The following REDIC1 variants were observed in gnomAD, a reference collection of about 807,000 sequenced individuals.
The protein encoded by REDIC1 is HEI10 Interacting Protein 1.
chr12:39,696,282 G>A, the REDIC1 span, among the ~76,000 whole-genome samples: 558 of 150,784 alleles, frequency 3.7e-3, 1 homozygote, highest in Non-Finnish European at 6.2e-3. Flanking sequence ...GGTGGCTCAC[G>A]CCTGTAATCC....
At chr12:39,640,654 T>C in the REDIC1 span, among the ~76,000 whole-genome samples, 2 of 151,910 alleles carry the variant, frequency 1.3e-5, no homozygotes, top group Non-Finnish European at 1.5e-5. Context: ...TTCAGGGATA[T>C]ATTCTTTCCA....
chr12:39,742,339 C>T, the REDIC1 span, among the ~76,000 whole-genome samples: 4 of 152,126 alleles, frequency 2.6e-5, no homozygotes, highest in South Asian at 4.1e-4. Context: ...CACGTAATTG[C>T]CAGGTATACA....
the REDIC1 span, among the ~76,000 whole-genome samples, chr12:39,711,591 A>ACACATGCATGTG: frequency 2.6e-3 from 68 of 26,060 alleles, no homozygotes; most frequent in Middle Eastern, 0.05. Context: ...ATGCATGTGT[A>ACACATGCATGTG]TATGTGTATA....
the REDIC1 span, among the ~76,000 whole-genome samples, chr12:39,654,196 C>T: frequency 3.6e-4 from 54 of 152,028 alleles, no homozygotes; most frequent in South Asian, 0.011. Flanking sequence ...CCTTCCATGT[C>T]TCTTGAAATT....
the REDIC1 span, among the ~76,000 whole-genome samples, chr12:39,760,976 A>ACAC: frequency 2.7e-5 from 4 of 150,140 alleles, no homozygotes; most frequent in Non-Finnish European, 4.5e-5. Context: ...ACACACACAT[A>ACAC]ATTGAATTGC....
the REDIC1 span, among the ~76,000 whole-genome samples, chr12:39,880,944 T>C: frequency 2.0e-5 from 3 of 152,240 alleles, no homozygotes; most frequent in East Asian, 1.9e-4. Context: ...CCACTGGACA[T>C]TGAACATATG....
the REDIC1 span, among the ~76,000 whole-genome samples, chr12:39,719,672 T>C: frequency 6.6e-6 from 1 of 152,168 alleles, no homozygotes; most frequent in South Asian, 2.1e-4. Flanking sequence ...CAAGTTTGTC[T>C]ATTTGTTAAA....
the REDIC1 span, among the ~76,000 whole-genome samples, chr12:39,723,501 G>T: frequency 6.6e-6 from 1 of 151,320 alleles, no homozygotes; most frequent in Non-Finnish European, 1.5e-5. Context: ...TGCATTACTG[G>T]TTTGGGCTTT....
the REDIC1 span, among the ~76,000 whole-genome samples, chr12:39,706,374 T>A: frequency 6.6e-6 from 1 of 151,952 alleles, no homozygotes; most frequent in Non-Finnish European, 1.5e-5. Flanking sequence ...GTTTAAAATG[T>A]CCATACTACC....
chr12:39,846,356 G>A, the REDIC1 span, among the ~76,000 whole-genome samples: 1 of 152,158 alleles, frequency 6.6e-6, no homozygotes, highest in Non-Finnish European at 1.5e-5. Context: ...AATGAAGAGG[G>A]TAGTGGTTAA....
chr12:39,702,760 G>A, the REDIC1 span, among the ~76,000 whole-genome samples: 2 of 152,070 alleles, frequency 1.3e-5, no homozygotes, highest in Non-Finnish European at 2.9e-5. Flanking sequence ...TTCATCCCTG[G>A]GATGCAAGGC....
the REDIC1 span, among the ~76,000 whole-genome samples, chr12:39,785,449 C>T: frequency 2.0e-5 from 3 of 152,206 alleles, no homozygotes; most frequent in Non-Finnish European, 4.4e-5. Flanking sequence ...TATGGAAATG[C>T]CTGGATGCCC....
chr12:39,809,714 T>A, the REDIC1 span, among the ~76,000 whole-genome samples: 1 of 152,116 alleles, frequency 6.6e-6, no homozygotes, highest in Admixed American at 6.6e-5. Context: ...TGTCCATGTG[T>A]TCTCATTGTT....
At chr12:39,886,633 A>G in the REDIC1 span, among the ~76,000 whole-genome samples, 2 of 152,096 alleles carry the variant, frequency 1.3e-5, no homozygotes, top group African/African-American at 4.8e-5. Flanking sequence ...AATTGACTAT[A>G]TTGTCTTAAC....
chr12:39,739,312 C>T, the REDIC1 span, among the ~76,000 whole-genome samples: 1 of 152,172 alleles, frequency 6.6e-6, no homozygotes, highest in African/African-American at 2.4e-5. Context: ...GTTGAGACAG[C>T]CCCTTTCTCA....
the REDIC1 span, among the ~76,000 whole-genome samples, chr12:39,739,503 T>TA: frequency 1.3e-5 from 2 of 152,082 alleles, no homozygotes; most frequent in African/African-American, 4.8e-5. Flanking sequence ...AGCTCCCAAG[T>TA]AAAGAAAATA....
the REDIC1 span, among the ~76,000 whole-genome samples, chr12:39,719,499 A>T: frequency 1.3e-5 from 2 of 151,964 alleles, no homozygotes; most frequent in Non-Finnish European, 2.9e-5. Context: ...CTATGGTCCC[A>T]GTTACTGGAG....
At chr12:39,831,831 A>G in the REDIC1 span, among the ~76,000 whole-genome samples, 2 of 152,006 alleles carry the variant, frequency 1.3e-5, no homozygotes, top group Non-Finnish European at 2.9e-5. Flanking sequence ...TTCTACCATA[A>G]GCTTCCTGAT....
chr12:39,687,629 C>T, the REDIC1 span, among the ~76,000 whole-genome samples: 1 of 152,212 alleles, frequency 6.6e-6, no homozygotes, highest in Non-Finnish European at 1.5e-5. Context: ...GCCCCATCTC[C>T]AACACTGGGG....
Sources: gnomAD v4.1 joint callset for allele counts (sites outside exome capture counted in the v4.1 genomes callset) on GRCh38, gnomAD v4.1.1 for gene constraint, MANE v1.5 for transcripts, NCBI Gene and HGNC (gene_info 2026-07-23, HGNC 2026-07-21) for gene names.